Variants in ZSCAN5B observed in about 807,000 individuals in gnomAD.
ZSCAN5B encodes zinc finger and SCAN domain-containing protein 5B.
ZSCAN5B carries 26 observed loss-of-function variants against 25.2 expected under a neutral mutation model. The observed-to-expected ratio is 1.03, with a 90% CI of 0.76 to 1.43. The LOEUF is 1.43. Ranked by LOEUF, ZSCAN5B falls within the 40% of genes most tolerant of loss-of-function variation. The pLI, the probability that ZSCAN5B is intolerant of heterozygous loss-of-function variation, is 0.00. For missense variants in ZSCAN5B, 745 were observed against 622.1 expected (o/e 1.20, Z -2.10); for synonymous variants, 244 against 240.9 (o/e 1.01, Z -0.12).
intron 4 of ZSCAN5B, 62 bp from the exon 5 acceptor site, chr19:56,190,637 T>G: frequency 6.3e-7 from 1 of 1,580,792 alleles, no homozygotes; most frequent in Non-Finnish European, 8.6e-7. Context: ...TACACCAAAC[T>G]CATTGCAACC....
rs576182410 is a variant in ZSCAN5B at position 56,191,043 on chromosome 19, G to C, written c.589-56C>G. The C allele has an allele frequency of 6.5e-5, 105 of 1,611,546 alleles. No homozygotes were observed. The African/African-American group carries it at 1.1e-3, about 18-fold the overall frequency. On this transcript the variant is annotated intron_variant, in intron 3 of 4. Transcript: ENST00000586855. ...CCGTGTCTATACTGGTGGAAGTAGG[G>C]ACATGTCTGTCCCCTCCTGACTGGA...
intron 4 of ZSCAN5B, 63 bp downstream of exon 4, chr19:56,190,774 C>T: frequency 1.3e-6 from 2 of 1,564,616 alleles, no homozygotes; most frequent in Non-Finnish European, 1.7e-6. Flanking sequence ...TAATGCTGGG[C>T]CCCCAGCCCC....
exon 5 of ZSCAN5B, chr19:56,189,751 A>G: frequency 1.3e-6 from 2 of 1,508,936 alleles, no homozygotes; most frequent in Non-Finnish European, 1.8e-6. Context: ...TTATGTGTAT[A>G]TGTCATCTGG....
chr19:56,190,073 G>C, exon 5 of ZSCAN5B: 1 of 1,613,988 alleles, frequency 6.2e-7, no homozygotes, highest in Non-Finnish European at 8.5e-7. Context: ...TTTGGCAGAC[G>C]TCACACATGT....
chr19:56,190,436 C>A lies in ZSCAN5B; in HGVS notation c.879G>T (p.Leu293=), dbSNP rs1352078413. 5.6e-6 allele frequency: 9 copies of A among 1,614,104 alleles called. No homozygotes were observed. In the South Asian group the frequency reaches 7.7e-5, roughly 14 times the overall value. Residue 293 remains leucine, a synonymous_variant, in exon 5 of 5, where the codon CTG becomes CTT. Transcript: ENST00000586855. ...CTGGTTTGCTTCTTTTGGGACTGCT[C>A]AGATTCAGAGCATCTCCTCTGTTCC...
At chr19:56,191,581 T>G (rs117814735) in intron 3 of ZSCAN5B, among the ~76,000 whole-genome samples, 292 of 152,284 alleles carry the variant, frequency 1.9e-3, no homozygotes, top group African/African-American at 6.1e-3. Flanking sequence ...TTCATTCATC[T>G]GTGCCAACTG....
intron 4 of ZSCAN5B, 73 bp from the exon 5 acceptor site, chr19:56,190,648 A>G (rs1484110864): frequency 1.9e-6 from 3 of 1,572,716 alleles, no homozygotes; most frequent in Non-Finnish European, 2.6e-6. Context: ...CATTGCAACC[A>G]AACACTGACC....
At chr19:56,190,569 A>C (rs148712200) in exon 5 of ZSCAN5B, 1 of 1,610,890 alleles carries the variant, frequency 6.2e-7, no homozygotes, top group African/African-American at 1.3e-5. Context: ...CTTTGCTCTC[A>C]CCAGATCTGG....
At chr19:56,196,077 G>A (rs2032805875) in intron 1 of ZSCAN5B, among the ~76,000 whole-genome samples, 2 of 152,142 alleles carry the variant, frequency 1.3e-5, no homozygotes, top group South Asian at 4.2e-4. Flanking sequence ...TTTTGAGACA[G>A]AATCTCACTC....
At chr19:56,196,341 C>T (rs752475104) in intron 1 of ZSCAN5B, among the ~76,000 whole-genome samples, 5 of 151,974 alleles carry the variant, frequency 3.3e-5, no homozygotes, top group Middle Eastern at 3.4e-3. Flanking sequence ...TGTGAGCCAC[C>T]GCACCTGGCC....
chr19:56,190,174 T>C (rs1321573026), exon 5 of ZSCAN5B: 1 of 1,614,072 alleles, frequency 6.2e-7, no homozygotes, highest in Non-Finnish European at 8.5e-7. Flanking sequence ...TGAAAGGGTC[T>C]GTCTCCTGTG....
At chr19:56,190,600 A>T (rs768188075) in intron 4 of ZSCAN5B, 25 bp from the exon 5 acceptor site, 15 of 1,598,266 alleles carry the variant, frequency 9.4e-6, no homozygotes, top group African/African-American at 2.7e-5. Context: ...GATTCCACAC[A>T]CAACAGTTAA....
At chr19:56,191,190 ACT>A (rs1476360955) in intron 3 of ZSCAN5B, among the ~76,000 whole-genome samples, 1 of 151,894 alleles carries the variant, frequency 6.6e-6, no homozygotes, top group Non-Finnish European at 1.5e-5. Context: ...GGCGGTTTTC[ACT>A]GTTTGGTTCT....
chr19:56,195,305 T>C (rs1210770087), intron 1 of ZSCAN5B, among the ~76,000 whole-genome samples: 1 of 151,964 alleles, frequency 6.6e-6, no homozygotes, highest in African/African-American at 2.4e-5. Context: ...AGAAAACACA[T>C]AACCCACTAG....
rs140258463 is a variant in ZSCAN5B, at chr19:56,195,048, G to T, written c.-127-1869C>A. Among the ~76,000 whole-genome samples the T allele has an allele frequency of 4.2e-3, 642 of 152,276 alleles. 6 individuals are homozygous for T. The highest frequency in any genetic ancestry group is 6.9e-3 in the Non-Finnish European group (467 of 68,032). ...GCTTTCCTAGACACAGGTGGGGGAA[G>T]CAACCTGAAGGTCTGCAGAGGGGAG... On this transcript the variant is annotated intron_variant, in intron 1 of 4. Transcript: ENST00000586855.
At chr19:56,192,118 G>A in intron 2 of ZSCAN5B, 65 bp from the exon 3 acceptor site, 13 of 1,423,022 alleles carry the variant, frequency 9.1e-6, no homozygotes, top group South Asian at 5.0e-5. Flanking sequence ...TATTTCCTGG[G>A]TCCTGCCATA....
chr19:56,190,192 T>A (rs781394649), exon 5 of ZSCAN5B: 1 of 1,614,056 alleles, frequency 6.2e-7, no homozygotes, highest in Non-Finnish European at 8.5e-7. Context: ...GTGTGTGACC[T>A]CCTGTGGATG....
chr19:56,195,810 A>G (rs1168902087), intron 1 of ZSCAN5B, among the ~76,000 whole-genome samples: 2 of 151,940 alleles, frequency 1.3e-5, no homozygotes, highest in East Asian at 3.9e-4. Flanking sequence ...AAATCTGCAC[A>G]GGCACCCACC....
intron 1 of ZSCAN5B, among the ~76,000 whole-genome samples, chr19:56,194,791 C>G (rs1223186740): frequency 2.0e-5 from 3 of 151,828 alleles, no homozygotes; most frequent in African/African-American, 7.3e-5. Context: ...ATTTTTAGTA[C>G]AGACAGGGTT....
Sources: allele counts gnomAD v4.1 joint callset (sites outside exome capture counted in the v4.1 genomes callset), GRCh38; gene constraint gnomAD v4.1.1; transcripts MANE v1.5; gene names NCBI Gene and HGNC (gene_info 2026-07-23, HGNC 2026-07-21).